The following SHANK2 variants were observed in gnomAD, a reference collection of about 807,000 sequenced individuals.
SHANK2 encodes SH3 and multiple ankyrin repeat domains protein 2.
Under a neutral mutation model 133.7 loss-of-function variants are expected in SHANK2, and 43 were observed. The observed-to-expected ratio is 0.32, with a 90% confidence interval of 0.25 to 0.41. The LOEUF (loss-of-function observed/expected upper bound fraction) is 0.41, where lower values mean the gene tolerates loss of function less well. SHANK2 is among the 10% of genes least tolerant of loss of function. SHANK2 has a pLI of 1.00. For synonymous variants in SHANK2, 1,017 were observed against 952.8 expected (o/e 1.07, Z -1.24); for missense variants, 1,994 against 2,235.8 (o/e 0.89, Z 2.18).
chr11:70,652,592 T>A (rs1446081267), intron 17 of SHANK2, among the ~76,000 whole-genome samples: 1 of 152,062 alleles, frequency 6.6e-6, no homozygotes, highest in African/African-American at 2.4e-5. Flanking sequence ...GGAGGATCAT[T>A]TGAGGCCAGG....
At chr11:70,551,969 AG>A (rs1284602598) in intron 17 of SHANK2, among the ~76,000 whole-genome samples, 2 of 152,108 alleles carry the variant, frequency 1.3e-5, no homozygotes, top group African/African-American at 4.8e-5. Flanking sequence ...GGCACGGGGG[AG>A]CCCGTGGGGG....
intron 12 of SHANK2, among the ~76,000 whole-genome samples, chr11:70,814,268 G>A (rs1268935393): frequency 6.6e-6 from 1 of 151,740 alleles, no homozygotes; most frequent in Non-Finnish European, 1.5e-5. Context: ...AGGTTTCAGT[G>A]AGTCAAGATC....
intron 2 of SHANK2, among the ~76,000 whole-genome samples, chr11:71,152,434 G>A (rs1555108263): frequency 1.3e-5 from 2 of 152,166 alleles, no homozygotes; most frequent in African/African-American, 2.4e-5. Context: ...TGTTTTTAAC[G>A]GATTACTTTG....
At chr11:70,937,534 A>G (rs1348642570) in intron 10 of SHANK2, among the ~76,000 whole-genome samples, 4 of 152,188 alleles carry the variant, frequency 2.6e-5, no homozygotes, top group Non-Finnish European at 5.9e-5. Flanking sequence ...TTGGTGGCCA[A>G]TGCACCTGGA....
intron 17 of SHANK2, among the ~76,000 whole-genome samples, chr11:70,613,424 C>G (rs1171798942): frequency 6.6e-6 from 1 of 152,078 alleles, no homozygotes; most frequent in East Asian, 1.9e-4. Flanking sequence ...AGGATGGTCT[C>G]GATCTCCTGA....
chr11:70,749,941 A>C (rs552747147), intron 14 of SHANK2, among the ~76,000 whole-genome samples: 2 of 152,360 alleles, frequency 1.3e-5, no homozygotes, highest in South Asian at 4.1e-4. Context: ...GAAATAATAA[A>C]CAAACTTCTC....
rs377374407 is a variant in SHANK2, at chr11:70,661,673, C to T, written c.1859G>A (p.Cys620Tyr). Residue 620 changes from cysteine to tyrosine, a missense_variant, in exon 16 of 26, where the codon TGC becomes TAC. By Grantham distance (194) the Cys-to-Tyr change is radical (BLOSUM62 -2). Transcript: ENST00000601538. The stretch of plus-strand genomic sequence containing the variant: ...GACCACCGTCTTCTCCTCAATAATG[C>T]AGTCACTGTAGAGAGAATTCCGGGG... ...SYDSFDTSSD[C>Y]IIEEKTVVLQ... 208 of 1,614,162 alleles carry T rather than the reference C, an allele frequency of 1.3e-4. No homozygotes were observed. The highest frequency in any genetic ancestry group is 1.7e-4 in the Non-Finnish European group (199 of 1,180,040).
At chr11:71,185,775 G>T (rs7937397) in intron 2 of SHANK2, among the ~76,000 whole-genome samples, 54,142 of 151,712 alleles carry the variant, frequency 0.36, 12,517 homozygotes, top group African/African-American at 0.63. Context: ...CCTCTTGCAC[G>T]TGACCCTTCA....
intron 14 of SHANK2, among the ~76,000 whole-genome samples, chr11:70,724,631 C>A (rs1043690078): frequency 6.6e-6 from 1 of 152,182 alleles, no homozygotes; most frequent in South Asian, 2.1e-4. Flanking sequence ...CCAGAATTCC[C>A]GAGCTGGGAG....
chr11:71,131,960 G>A (rs1367157263), intron 3 of SHANK2, among the ~76,000 whole-genome samples: 1 of 152,202 alleles, frequency 6.6e-6, no homozygotes. Context: ...GAGGAGCAGG[G>A]ATTAAGGGGG....
chr11:71,216,065 G>A (rs1194946307), intron 2 of SHANK2, among the ~76,000 whole-genome samples: 1 of 151,954 alleles, frequency 6.6e-6, no homozygotes, highest in African/African-American at 2.4e-5. Flanking sequence ...AACATGGTTT[G>A]TCCCTCCTCC....
chr11:70,800,387 A>G (rs1555050258), intron 13 of SHANK2, among the ~76,000 whole-genome samples: 1 of 152,094 alleles, frequency 6.6e-6, no homozygotes, highest in African/African-American at 2.4e-5. Context: ...ACTCCCTCCT[A>G]ATGTGTCTAA....
rs2061384527 is a variant in SHANK2 at position 70,654,768 on chromosome 11, T to G, written c.2061+5060A>C. Among the ~76,000 whole-genome samples the G allele has an allele frequency of 2.0e-5, 3 of 151,090 alleles. No individual in the cohort carries two copies. The South Asian group carries it at 6.3e-4, about 31-fold the overall frequency. On this transcript the variant is annotated intron_variant, in intron 17 of 25. Coordinates refer to ENST00000601538, the MANE Select transcript of SHANK2 (RefSeq NM_012309.5). ...TGCTACCTGGTTTTGTTTTTGTTTT[T>G]TTTGTTTTTTTTTTTTTGAGACGGA... is the stretch of plus-strand genomic sequence containing the variant.
At chr11:70,818,010 C>T (rs540714842) in intron 12 of SHANK2, among the ~76,000 whole-genome samples, 1 of 152,346 alleles carries the variant, frequency 6.6e-6, no homozygotes, top group Admixed American at 6.5e-5. Context: ...GCTAGGATTA[C>T]AGGTGTGAGC....
At chr11:70,917,781 A>G (rs190522022) in intron 10 of SHANK2, among the ~76,000 whole-genome samples, 1 of 152,338 alleles carries the variant, frequency 6.6e-6, no homozygotes, top group Admixed American at 6.5e-5. Flanking sequence ...GCATGTTCTC[A>G]TTTATCAGTG....
chr11:70,763,109 C>T (rs930476491), intron 14 of SHANK2, among the ~76,000 whole-genome samples: 1 of 152,172 alleles, frequency 6.6e-6, no homozygotes, highest in Non-Finnish European at 1.5e-5. Context: ...ATTGGCTGTG[C>T]GACCTGGAAC....
intron 6 of SHANK2, among the ~76,000 whole-genome samples, chr11:71,102,660 A>G (rs2135172696): frequency 6.6e-6 from 1 of 152,332 alleles, no homozygotes; most frequent in South Asian, 2.1e-4. Context: ...GGGAATGTGA[A>G]CAGCTTGTCC....
Position 71,109,893 on chromosome 11 carries a change from T to A in SHANK2, c.592+48A>T. On this transcript the variant is annotated intron_variant, in intron 6 of 25. Transcript: ENST00000601538. ...TAGCCTGAGCAGTGGGCTGGCCTTC[T>A]CTACGCTTCCGTAAAGCCTGGTAAG... The A allele has an allele frequency of 1.7e-6, 2 of 1,201,994 alleles. 1 individual carries two copies. Among genetic ancestry groups the A allele is most frequent in the Non-Finnish European group, 2.4e-6 (2 of 828,094 alleles). 74.5% of individuals were successfully genotyped at this position (1,201,994 alleles called of 1,614,324 possible). A position where few individuals can be genotyped will look rare whatever the true frequency, so the allele number is the denominator to read the frequency against.
At chr11:71,083,582 G>A (rs1951329952) in intron 8 of SHANK2, among the ~76,000 whole-genome samples, 1 of 152,152 alleles carries the variant, frequency 6.6e-6, no homozygotes, top group Non-Finnish European at 1.5e-5. Context: ...ACAGCATGAG[G>A]AGAGTCCCTC....
Sources: gnomAD v4.1 joint callset for allele counts (sites outside exome capture counted in the v4.1 genomes callset) on GRCh38, gnomAD v4.1.1 for gene constraint, MANE v1.5 for transcripts, NCBI Gene and HGNC (gene_info 2026-07-23, HGNC 2026-07-21) for gene names.